Variants in DCAF10 observed in about 807,000 individuals in gnomAD.
The protein encoded by DCAF10 is DDB1- and CUL4-associated factor 10.
DCAF10 carries 19 observed loss-of-function variants against 51.9 expected under a neutral mutation model. That is an observed-to-expected ratio of 0.37 (90% CI 0.26 to 0.54). DCAF10 has a LOEUF of 0.54. Among genes scored for constraint, DCAF10 ranks in the 20% least tolerant of loss-of-function variants. The pLI is 0.87. For synonymous variants in DCAF10, 291 were observed against 297.1 expected (o/e 0.98, Z 0.21); for missense variants, 510 against 730.6 (o/e 0.70, Z 3.48).
At chr9:37,855,911 G>C (rs769021207) in intron 4 of DCAF10, among the ~76,000 whole-genome samples, 2 of 152,186 alleles carry the variant, frequency 1.3e-5, no homozygotes, top group African/African-American at 2.4e-5. Flanking sequence ...AGCACTTTGA[G>C]AGACTGAGGT....
chr9:37,857,896 A>AC (rs564767153), intron 5 of DCAF10, among the ~76,000 whole-genome samples: 123 of 150,780 alleles, frequency 8.2e-4, no homozygotes, highest in African/African-American at 2.5e-3. Flanking sequence ...CTTCCACCAC[A>AC]CCCCCCCAGT....
chr9:37,850,073 GA>G (rs1246919636), intron 3 of DCAF10, among the ~76,000 whole-genome samples: 4 of 152,062 alleles, frequency 2.6e-5, no homozygotes, highest in African/African-American at 9.7e-5. Flanking sequence ...ACATAAAATA[GA>G]TAAAAGTGGG....
chr9:37,843,823 C>T (rs965273763), intron 3 of DCAF10, among the ~76,000 whole-genome samples: 5 of 152,010 alleles, frequency 3.3e-5, no homozygotes, highest in Admixed American at 6.6e-5. Context: ...CTGTGATAAA[C>T]GTATATGGGC....
rs2119000358 is a variant in DCAF10 at position 37,801,107 on chromosome 9, A to G, written c.241A>G (p.Thr81Ala). The change falls in exon 1 of 7, where the codon ACT becomes GCT. Residue 81 changes from threonine (T) to alanine (A), a missense_variant. By Grantham distance (58) the Thr-to-Ala change is moderately conservative (BLOSUM62 0). This residue lies in a region of DCAF10 where 251 missense variants were observed against 227.9 expected (regional missense o/e 1.10). Transcript: ENST00000377724. The surrounding 1 kb of genome is among the most constrained non-coding windows in gnomAD (Gnocchi z 5.5). ...LGLPGAPESS[T>A]ASAPGEPSPP... ...GCTGCCTGGAGCTCCGGAGTCCTCA[A>G]CTGCCTCCGCCCCGGGAGAGCCGTC... 1 of 1,534,874 alleles carries G rather than the reference A, an allele frequency of 6.5e-7. No homozygotes were observed. The highest frequency in any genetic ancestry group is 1.2e-5 in the South Asian group (1 of 82,858).
intron 1 of DCAF10, among the ~76,000 whole-genome samples, chr9:37,802,020 A>G (rs1828966062): frequency 6.6e-6 from 1 of 152,210 alleles, no homozygotes; most frequent in Non-Finnish European, 1.5e-5. Flanking sequence ...GAACTTTCCA[A>G]AATCGTATCT....
intron 2 of DCAF10, chr9:37,836,114 A>C (rs1374909359): frequency 5.4e-6 from 7 of 1,287,272 alleles, no homozygotes; most frequent in Admixed American, 3.4e-5. Context: ...TCTCTATTAA[A>C]GTACACGAAC....
intron 3 of DCAF10, among the ~76,000 whole-genome samples, chr9:37,852,717 C>G (rs1282069068): frequency 6.6e-6 from 1 of 152,002 alleles, no homozygotes; most frequent in Non-Finnish European, 1.5e-5. Context: ...TGAGACCAGC[C>G]TGGCCAACAT....
chr9:37,815,356 A>C (rs1208573934), intron 1 of DCAF10, among the ~76,000 whole-genome samples: 1 of 152,230 alleles, frequency 6.6e-6, no homozygotes, highest in Non-Finnish European at 1.5e-5. Flanking sequence ...TTTTAAAAAG[A>C]AGAACAGTCT....
intron 5 of DCAF10, 99 bp from the exon 6 acceptor site, chr9:37,859,949 G>A (rs1413380429): frequency 1.1e-5 from 16 of 1,398,272 alleles, no homozygotes; most frequent in Admixed American, 1.8e-5. Context: ...ACTAAGGAAT[G>A]ACGGCATGGG....
chr9:37,857,413 T>C (rs914701586), intron 5 of DCAF10, 62 bp downstream of exon 5: 82 of 1,249,026 alleles, frequency 6.6e-5, no homozygotes, highest in Non-Finnish European at 8.4e-5. Context: ...TGATTAATTA[T>C]TGATTGATTA....
intron 2 of DCAF10, 39 bp from the exon 3 acceptor site, chr9:37,842,050 G>A: frequency 6.3e-7 from 1 of 1,574,950 alleles, no homozygotes; most frequent in South Asian, 1.2e-5. Context: ...TTTAAAAAGA[G>A]ATTAAATGAA....
intron 2 of DCAF10, among the ~76,000 whole-genome samples, chr9:37,835,515 T>C (rs1830132815): frequency 6.7e-6 from 1 of 149,340 alleles, no homozygotes; most frequent in Non-Finnish European, 1.5e-5. Flanking sequence ...GAAGGTGGAG[T>C]TGCAGTGAGC....
intron 3 of DCAF10, among the ~76,000 whole-genome samples, chr9:37,848,314 T>C (rs1830534386): frequency 6.6e-6 from 1 of 152,112 alleles, no homozygotes; most frequent in Admixed American, 6.5e-5. Context: ...ATGGAACCAA[T>C]CCAAATATCC....
intron 1 of DCAF10, among the ~76,000 whole-genome samples, chr9:37,805,900 C>G (rs966188649): frequency 2.0e-5 from 3 of 152,166 alleles, no homozygotes; most frequent in African/African-American, 7.2e-5. Flanking sequence ...CCCTGGGCAA[C>G]ATAAGGAGAC....
rs748664008 is a variant in DCAF10, at chr9:37,866,925, G to A, written c.*5417G>A. On this transcript the variant is annotated 3_prime_UTR_variant, in exon 7 of 7. Coordinates refer to ENST00000377724, the MANE Select transcript of DCAF10 (RefSeq NM_024345.5). ...GAAAAAAATTCAGATAGACATAAGA[G>A]TATTTTGGATGCCATTAAACTTTGT... is the stretch of plus-strand genomic sequence containing the variant. The A allele has an allele frequency of 3.9e-5, 6 of 152,292 alleles. No individual in the cohort carries two copies. Among genetic ancestry groups the A allele is most frequent in the Admixed American group, 6.5e-5 (1 of 15,270 alleles). 9.4% of individuals were successfully genotyped at this position (152,292 alleles called of 1,614,324 possible).
chr9:37,849,187 C>A (rs1830562172), intron 3 of DCAF10, among the ~76,000 whole-genome samples: 1 of 152,012 alleles, frequency 6.6e-6, no homozygotes, highest in Admixed American at 6.6e-5. Flanking sequence ...CTCACTGTTA[C>A]CACTACTGTT....
Position 37,867,239 on chromosome 9 carries a change from T to C in DCAF10, c.*5731T>C, listed in dbSNP as rs972582176. ...CACCTCCTATATGTATGTGTATATATAAATGCCACTATAAATGAAAATGTC... is the reference window on the plus strand; with the variant it reads ...CACCTCCTATATGTATGTGTATATACAAATGCCACTATAAATGAAAATGTC... On this transcript the variant is annotated 3_prime_UTR_variant, in exon 7 of 7. Transcript: ENST00000377724. 1 of 152,158 alleles carries C rather than the reference T, an allele frequency of 6.6e-6. No individual in the cohort carries two copies. The highest frequency in any genetic ancestry group is 1.5e-5 in the Non-Finnish European group (1 of 68,028). The allele number at this position is 152,158 out of a possible 1,614,324, so 9.4% of individuals were successfully genotyped here. A position where few individuals can be genotyped will look rare whatever the true frequency, so the allele number is the denominator to read the frequency against.
intron 2 of DCAF10, among the ~76,000 whole-genome samples, chr9:37,823,212 A>G (rs1829757670): frequency 6.6e-6 from 1 of 152,206 alleles, no homozygotes; most frequent in Non-Finnish European, 1.5e-5. Flanking sequence ...GAAGATAACA[A>G]TGGCTGAGAA....
At chr9:37,818,331 T>C (rs1829605541) in intron 1 of DCAF10, among the ~76,000 whole-genome samples, 1 of 152,162 alleles carries the variant, frequency 6.6e-6, no homozygotes, top group Admixed American at 6.5e-5. Flanking sequence ...AATCTCCCAC[T>C]TTACCTAAAA....
Sources: allele counts gnomAD v4.1 joint callset (sites outside exome capture counted in the v4.1 genomes callset), GRCh38; gene constraint gnomAD v4.1.1; regional missense constraint gnomAD v4.1.1; non-coding constraint Gnocchi (gnomAD v3.1); transcripts MANE v1.5; gene names NCBI Gene and HGNC (gene_info 2026-07-23, HGNC 2026-07-21).